Variants in SLC8A1 observed in about 807,000 individuals in gnomAD.
The protein encoded by SLC8A1 is sodium/calcium exchanger 1.
In SLC8A1, 18 loss-of-function variants were observed where a neutral mutation model predicts 68.3. That is an observed-to-expected ratio of 0.26 (90% CI 0.18 to 0.39). The LOEUF is 0.39. Among genes scored for constraint, SLC8A1 ranks in the 10% least tolerant of loss-of-function variants. The probability of loss-of-function intolerance (pLI) is 1.00; values close to 1 mark genes in which losing one functional copy is unlikely to be tolerated. For synonymous variants in SLC8A1, 475 were observed against 415.5 expected, an observed-to-expected ratio of 1.14 and a Z score of -1.74; for missense variants, 985 against 1,156.7, an observed-to-expected ratio of 0.85 and a Z score of 2.15.
chr2:40,407,991 G>A (rs1690910425), intron 2 of SLC8A1, among the ~76,000 whole-genome samples: 1 of 152,128 alleles, frequency 6.6e-6, no homozygotes, highest in Non-Finnish European at 1.5e-5. Context: ...ATATAACCGT[G>A]TTAGGCATCA....
chr2:40,474,977 A>G (rs1227070698), intron 1 of SLC8A1, among the ~76,000 whole-genome samples: 1 of 152,216 alleles, frequency 6.6e-6, no homozygotes, highest in East Asian at 1.9e-4. Context: ...GTAAAGATAT[A>G]TAACTAAAGT....
rs773892979 is a variant in SLC8A1 at position 40,428,430 on chromosome 2, C to A, written c.1808+43G>T. ...ATTCATAAACACACTGAACCACACA[C>A]ACACACACACACACACACACACATA... On this transcript the variant is annotated intron_variant, in intron 2 of 7. Coordinates refer to ENST00000406785, the Ensembl canonical transcript of SLC8A1. 26 of 1,076,682 alleles carry A rather than the reference C, an allele frequency of 2.4e-5. No individual in the cohort carries two copies. The East Asian group carries it at 6.5e-4, about 27-fold the overall frequency. The allele number at this position is 1,076,682 out of a possible 1,614,324, so 66.7% of individuals were successfully genotyped here.
chr2:40,120,098 C>G (rs1303528528), intron 7 of SLC8A1, among the ~76,000 whole-genome samples: 1 of 152,174 alleles, frequency 6.6e-6, no homozygotes, highest in East Asian at 1.9e-4. Flanking sequence ...TTAAACATCT[C>G]TTCTGCAAAA....
chr2:40,421,509 C>A (rs576144254), intron 2 of SLC8A1, among the ~76,000 whole-genome samples: 14 of 152,182 alleles, frequency 9.2e-5, no homozygotes, highest in South Asian at 4.2e-4. Context: ...AAAATAAAAT[C>A]AAAAAACTAT....
intron 2 of SLC8A1, among the ~76,000 whole-genome samples, chr2:40,260,822 AAGTG>A (rs1456446887): frequency 6.6e-6 from 1 of 152,142 alleles, no homozygotes; most frequent in East Asian, 1.9e-4. Flanking sequence ...TATCTGAAGA[AAGTG>A]AGGCATGCAA....
chr2:40,497,501 T>C (rs537183528), intron 1 of SLC8A1, among the ~76,000 whole-genome samples: 1 of 151,928 alleles, frequency 6.6e-6, no homozygotes, highest in East Asian at 1.9e-4. Flanking sequence ...TATAAATCAG[T>C]ATTGGGTAAG....
intron 6 of SLC8A1, among the ~76,000 whole-genome samples, chr2:40,153,238 G>T (rs1013898610): frequency 1.3e-5 from 2 of 152,028 alleles, no homozygotes; most frequent in African/African-American, 4.8e-5. Flanking sequence ...AGAATGAAGG[G>T]TCTTTAAGAG....
chr2:40,169,271 G>T (rs761520515), intron 4 of SLC8A1, among the ~76,000 whole-genome samples: 1 of 152,150 alleles, frequency 6.6e-6, no homozygotes, highest in Non-Finnish European at 1.5e-5. Context: ...TACAAACAAC[G>T]TAGAATTTGG....
chr2:40,123,059 T>C (rs2037272954), intron 7 of SLC8A1: 1 of 152,200 alleles, frequency 6.6e-6, no homozygotes, highest in Non-Finnish European at 1.5e-5. Context: ...TTCCAAACTG[T>C]AATTGGAGTC....
intron 5 of SLC8A1, among the ~76,000 whole-genome samples, chr2:40,162,878 G>A (rs2045928374): frequency 6.6e-6 from 1 of 152,108 alleles, no homozygotes; most frequent in Non-Finnish European, 1.5e-5. Context: ...AGCAGAGTGG[G>A]CCATTGAAAG....
chr2:40,372,815 T>G (rs1186632711), intron 2 of SLC8A1, among the ~76,000 whole-genome samples: 1 of 152,086 alleles, frequency 6.6e-6, no homozygotes, highest in Admixed American at 6.6e-5. Context: ...GACTCACGTC[T>G]CCAGTGTAAC....
chr2:40,111,911 T>G (rs1329566873), exon 8 of SLC8A1: 1 of 152,132 alleles, frequency 6.6e-6, no homozygotes, highest in African/African-American at 2.4e-5. Flanking sequence ...CTTATGATCC[T>G]GGATGCAGGA....
At chr2:40,359,701 G>C (rs562905378) in intron 2 of SLC8A1, among the ~76,000 whole-genome samples, 2 of 152,114 alleles carry the variant, frequency 1.3e-5, no homozygotes, top group Non-Finnish European at 2.9e-5. Flanking sequence ...CCAAAGGGCA[G>C]AAATCATGTT....
chr2:40,219,195 A>C (rs935012616), intron 2 of SLC8A1, among the ~76,000 whole-genome samples: 1 of 152,162 alleles, frequency 6.6e-6, no homozygotes, highest in Non-Finnish European at 1.5e-5. Flanking sequence ...TAATCTTTAG[A>C]GGTGTGTGTT....
chr2:40,318,847 A>G (rs1286999969), intron 2 of SLC8A1, among the ~76,000 whole-genome samples: 1 of 152,090 alleles, frequency 6.6e-6, no homozygotes, highest in Non-Finnish European at 1.5e-5. Context: ...TAGGAAAGTT[A>G]TTCTCTGGAA....
At chr2:40,197,353 G>A (rs1236305665) in intron 2 of SLC8A1, among the ~76,000 whole-genome samples, 1 of 151,960 alleles carries the variant, frequency 6.6e-6, no homozygotes, top group African/African-American at 2.4e-5. Flanking sequence ...TAATTTTATG[G>A]TGCAGTGTCT....
intron 2 of SLC8A1, among the ~76,000 whole-genome samples, chr2:40,371,367 T>C (rs1309836248): frequency 6.6e-6 from 1 of 152,078 alleles, no homozygotes; most frequent in Non-Finnish European, 1.5e-5. Context: ...GAAAATGGTG[T>C]TAGGCAGAGG....
chr2:40,291,568 A>T (rs1286604727), intron 2 of SLC8A1, among the ~76,000 whole-genome samples: 1 of 152,110 alleles, frequency 6.6e-6, no homozygotes, highest in Non-Finnish European at 1.5e-5. Flanking sequence ...TTGTGGAAAG[A>T]GGAGTGGACC....
At chr2:40,264,928 C>G (rs945009622) in intron 2 of SLC8A1, among the ~76,000 whole-genome samples, 2 of 152,248 alleles carry the variant, frequency 1.3e-5, no homozygotes, top group East Asian at 3.9e-4. Context: ...TATCATTTTG[C>G]AGGTAAGAAA....
Sources: gnomAD v4.1 joint callset for allele counts (sites outside exome capture counted in the v4.1 genomes callset) on GRCh38, gnomAD v4.1.1 for gene constraint, MANE v1.5 for transcripts, NCBI Gene and HGNC (gene_info 2026-07-23, HGNC 2026-07-21) for gene names.